Variants in HIVEP1 observed in about 807,000 individuals in gnomAD.
The protein encoded by HIVEP1 is HIVEP zinc finger 1.
Under a neutral mutation model 180.0 loss-of-function variants are expected in HIVEP1, and 36 were observed. The observed-to-expected ratio is 0.20, with a 90% CI of 0.15 to 0.26. HIVEP1 has a LOEUF of 0.26. HIVEP1 is among the 10% of genes least tolerant of loss of function. The pLI is 1.00. For missense variants in HIVEP1, 3,143 were observed against 3,268.7 expected, an observed-to-expected ratio of 0.96 and a Z score of 0.94; for synonymous variants, 1,239 against 1,239.0, an observed-to-expected ratio of 1.00 and a Z score of 0.00.
chr6:12,076,622 T>G (rs1772368544), intron 2 of HIVEP1, among the ~76,000 whole-genome samples: 1 of 151,870 alleles, frequency 6.6e-6, no homozygotes, highest in Non-Finnish European at 1.5e-5. Context: ...CGGAAGAGAG[T>G]AAACCCACTC....
chr6:12,130,783 G>A lies in HIVEP1; in HGVS notation c.6226G>A (p.Glu2076Lys), dbSNP rs781211359. 8.0e-5 allele frequency: 127 copies of A among 1,588,480 alleles called. No homozygotes were observed. Among genetic ancestry groups the A allele is most frequent in the Non-Finnish European group, 1.0e-4 (120 of 1,161,712 alleles). The change falls in exon 6 of 9, where the codon GAG becomes AAG. Residue 2076 changes from glutamate to lysine, a missense_variant. Physicochemically the swap from Glu to Lys is moderately conservative, Grantham distance 56. Transcript: ENST00000379388. ...TTAAATTAGATATAAGTCAAATGAA[G>A]AGTATGTATATGTCCGAGGCAGGGG... ...IFDGGYKSNE[E>K]YVYVRGRGRG...
At chr6:12,162,861 C>T (rs1407345671) in intron 8 of HIVEP1, among the ~76,000 whole-genome samples, 1 of 152,132 alleles carries the variant, frequency 6.6e-6, no homozygotes, top group African/African-American at 2.4e-5. Context: ...GTTGACATAG[C>T]CAACTTGAAT....
At chr6:12,103,526 A>G (rs1388638219) in intron 3 of HIVEP1, among the ~76,000 whole-genome samples, 1 of 151,976 alleles carries the variant, frequency 6.6e-6, no homozygotes. Context: ...AGTTTAGACA[A>G]CTGCATGAAT....
At chr6:12,162,417 C>CAAGTG (rs1760465939) in intron 8 of HIVEP1, among the ~76,000 whole-genome samples, 2 of 152,190 alleles carry the variant, frequency 1.3e-5, no homozygotes. Flanking sequence ...GACCCGAAAA[C>CAAGTG]ACATCAAGAA....
chr6:12,116,174 A>G (rs1293154608), intron 3 of HIVEP1, among the ~76,000 whole-genome samples: 2 of 152,128 alleles, frequency 1.3e-5, no homozygotes, highest in Admixed American at 1.3e-4. Context: ...GACAAGAGAA[A>G]ATAACTCCAG....
chr6:12,168,033 T>TACATATGTG (rs1491475196), downstream of HIVEP1, among the ~76,000 whole-genome samples: 44 of 43,692 alleles, frequency 1.0e-3, 5 homozygotes, highest in African/African-American at 4.0e-3. Flanking sequence ...TATGTATATA[T>TACATATGTG]TATATATACA....
chr6:12,135,582 G>A (rs1758656600), intron 6 of HIVEP1, among the ~76,000 whole-genome samples: 1 of 152,112 alleles, frequency 6.6e-6, no homozygotes, highest in African/African-American at 2.4e-5. Flanking sequence ...AGTAGAGGAG[G>A]CAGATTTTAA....
chr6:12,120,048 G>A lies in HIVEP1; in HGVS notation c.253G>A (p.Ala85Thr), dbSNP rs369283883. ...HKQNTEESSF[A>T]VLHSASESHK... ...ACAAAATACAGAAGAGTCATCTTTC[G>A]CCGTTCTTCATAGTGCTTCGGAGTC... is the stretch of plus-strand genomic sequence containing the variant. The change falls in exon 4 of 9, where the codon GCC becomes ACC. Residue 85 changes from alanine to threonine, a missense_variant. Transcript: ENST00000379388. The A allele has an allele frequency of 4.5e-5, 73 of 1,612,770 alleles. No homozygotes were observed. Among genetic ancestry groups the A allele is most frequent in the African/African-American group, 6.7e-5 (5 of 74,730 alleles).
rs778495637 is a variant in HIVEP1, at chr6:12,121,709, C to T, written c.1914C>T (p.His638=). 1.3e-5 allele frequency: 21 copies of T among 1,614,058 alleles called. No individual in the cohort carries two copies. In the East Asian group the frequency reaches 1.8e-4, roughly 14 times the overall value. Residue 638 remains histidine, a synonymous_variant, in exon 4 of 9, where the codon CAC becomes CAT. Transcript: ENST00000379388. The surrounding 1 kb of genome is among the most constrained non-coding windows in gnomAD (Gnocchi z 5.3). ...CACTGGAAGGAAAGCAAGACTCTCA[C>T]GTAGGAACGGTACACGCCCAGCTAC... ...MNPLEGKQDS[H]VGTVHAQLQR... is the part of the protein sequence containing the mutation.
At chr6:12,011,926 C>T (rs1231596561), upstream of HIVEP1, 4 of 127,556 alleles carry the variant, frequency 3.1e-5, no homozygotes, top group Non-Finnish European at 1.7e-5. Context: ...CCCCGGGGAT[C>T]CCCTGCCGCC....
At chr6:12,180,030 G>A in the HIVEP1 span, among the ~76,000 whole-genome samples, 1 of 152,114 alleles carries the variant, frequency 6.6e-6, no homozygotes, top group African/African-American at 2.4e-5. Context: ...ATGCACTCAA[G>A]ATATTGAATA....
At chr6:12,127,151 G>A (rs1453444770) in intron 4 of HIVEP1, among the ~76,000 whole-genome samples, 2 of 151,756 alleles carry the variant, frequency 1.3e-5, no homozygotes, top group African/African-American at 2.4e-5. Flanking sequence ...GTGAGCCACC[G>A]CGCCCAGCAA....
chr6:12,090,735 C>CTTTTTTTTTTTTTTTTTTTTT (rs35266647), intron 3 of HIVEP1, among the ~76,000 whole-genome samples: 11 of 82,438 alleles, frequency 1.3e-4, no homozygotes, highest in African/African-American at 4.7e-4. Flanking sequence ...TATAGCCAGC[C>CTTTTTTTTTTTTTTTTTTTTT]TTTTTTTTTT....
At chr6:12,116,954 A>G (rs1354047878) in intron 3 of HIVEP1, among the ~76,000 whole-genome samples, 1 of 152,230 alleles carries the variant, frequency 6.6e-6, no homozygotes, top group Non-Finnish European at 1.5e-5. Flanking sequence ...GGAAATATGG[A>G]ACTAAGGGAA....
chr6:12,010,341 A>G (rs182491189), upstream of HIVEP1, among the ~76,000 whole-genome samples: 470 of 152,332 alleles, frequency 3.1e-3, no homozygotes, highest in Non-Finnish European at 5.6e-3. Context: ...ATTTTTGGCT[A>G]CACACTCGCC....
At chr6:12,179,057 T>A in the HIVEP1 span, among the ~76,000 whole-genome samples, 1 of 151,252 alleles carries the variant, frequency 6.6e-6, no homozygotes, top group Non-Finnish European at 1.5e-5. Flanking sequence ...AATGATGGAG[T>A]CGTATATCTC....
At chr6:12,037,083 A>G (rs9462408) in intron 2 of HIVEP1, among the ~76,000 whole-genome samples, 22,435 of 152,118 alleles carry the variant, frequency 0.15, 1,709 homozygotes, top group Admixed American at 0.19. Flanking sequence ...GGATATTTAC[A>G]AGGACCAAGT....
downstream of HIVEP1, among the ~76,000 whole-genome samples, chr6:12,169,319 T>C (rs991091777): frequency 3.9e-5 from 6 of 152,228 alleles, no homozygotes; most frequent in Admixed American, 1.3e-4. Context: ...TCCTAGTCTT[T>C]GCACACACAG....
rs779757473 is a variant in HIVEP1, at chr6:12,125,171, A to G, written c.5376A>G (p.Lys1792=). The change falls in exon 4 of 9, where the codon AAA becomes AAG. Residue 1792 remains lysine, a synonymous_variant. Transcript: ENST00000379388. ...ALSSRVNEAS[K]QKKPILVRQV... The stretch of plus-strand genomic sequence containing the variant: ...GTTCGAGAGTTAATGAAGCTAGTAA[A>G]CAGAAGAAGCCTATTTTAGTGAGAC... 1 of 1,614,060 alleles carries G rather than the reference A, an allele frequency of 6.2e-7. No homozygotes were observed. The highest frequency in any genetic ancestry group is 2.2e-5 in the East Asian group (1 of 44,886).
Sources: gnomAD v4.1 joint callset for allele counts (sites outside exome capture counted in the v4.1 genomes callset) on GRCh38, gnomAD v4.1.1 for gene constraint, Gnocchi (gnomAD v3.1) non-coding constraint, MANE v1.5 for transcripts, NCBI Gene and HGNC (gene_info 2026-07-23, HGNC 2026-07-21) for gene names.